Variants in CACNA2D4 observed in about 807,000 individuals in gnomAD.
CACNA2D4 encodes calcium voltage-gated channel auxiliary subunit alpha2delta 4.
Under a neutral mutation model 163.8 loss-of-function variants are expected in CACNA2D4, and 157 were observed. That is an observed-to-expected ratio of 0.96 (90% CI 0.84 to 1.09). CACNA2D4 has a LOEUF of 1.09. Among genes scored for constraint, CACNA2D4 ranks in the 50% least tolerant of loss-of-function variants. The pLI is 0.00. For synonymous variants in CACNA2D4, 598 were observed against 586.9 expected (o/e 1.02, Z -0.27); for missense variants, 1,410 against 1,479.9 (o/e 0.95, Z 0.78).
chr12:1,827,168 A>G (rs575422494), intron 26 of CACNA2D4, among the ~76,000 whole-genome samples: 21 of 152,022 alleles, frequency 1.4e-4, no homozygotes, highest in Non-Finnish European at 2.6e-4. Context: ...GCAGGTAAAC[A>G]CATGCCAGTC....
At chr12:1,880,658 T>C (rs1222928774) in intron 13 of CACNA2D4, among the ~76,000 whole-genome samples, 4 of 152,282 alleles carry the variant, frequency 2.6e-5, no homozygotes, top group African/African-American at 9.6e-5. Context: ...TGCTGAGTCA[T>C]GGAAGTCCAC....
At chr12:1,899,569 T>C (rs1866490602) in intron 6 of CACNA2D4, among the ~76,000 whole-genome samples, 1 of 152,136 alleles carries the variant, frequency 6.6e-6, no homozygotes, top group Non-Finnish European at 1.5e-5. Flanking sequence ...TAAATAAAAG[T>C]ACTTCAAATT....
chr12:1,870,590 C>T lies in CACNA2D4; in HGVS notation c.1878+4014G>A, dbSNP rs187024925. 2.2e-4 allele frequency among the ~76,000 whole-genome samples: 34 copies of T among 152,060 alleles called. 1 individual carries two copies. The East Asian group carries it at 6.6e-3, about 29-fold the overall frequency. On this transcript the variant is annotated intron_variant, in intron 18 of 37. Coordinates refer to ENST00000382722, the MANE Select transcript of CACNA2D4 (RefSeq NM_172364.5). ...TTGATTCAAGGGTTGTTGCTGCCTG[C>T]TTTTGGTCGCTTTCAAGTGCCTTTC...
intron 23 of CACNA2D4, among the ~76,000 whole-genome samples, chr12:1,847,499 G>GA (rs972715071): frequency 1.3e-5 from 2 of 152,176 alleles, no homozygotes; most frequent in African/African-American, 4.8e-5. Context: ...GTAAGGTCTG[G>GA]AAAATCACTG....
chr12:1,816,779 CAT>C (rs1159150711), intron 26 of CACNA2D4, among the ~76,000 whole-genome samples: 1 of 152,078 alleles, frequency 6.6e-6, no homozygotes, highest in Non-Finnish European at 1.5e-5. Flanking sequence ...TGGACACACA[CAT>C]ATATGCACAC....
At chr12:1,810,788 G>A (rs548037484) in intron 27 of CACNA2D4, among the ~76,000 whole-genome samples, 1 of 152,188 alleles carries the variant, frequency 6.6e-6, no homozygotes, top group African/African-American at 2.4e-5. Context: ...TGTGTGAGGT[G>A]TGTGCATGTG....
intron 26 of CACNA2D4, chr12:1,831,434 C>A (rs768465054): frequency 1.2e-6 from 2 of 1,614,060 alleles, no homozygotes; most frequent in South Asian, 1.1e-5. Flanking sequence ...CCCTAGCAAA[C>A]CTGCAGCTGC....
chr12:1,794,980 C>G, intron 37 of CACNA2D4: 1 of 499,024 alleles, frequency 2.0e-6, no homozygotes, highest in Non-Finnish European at 3.6e-6. Context: ...TCTATCATTC[C>G]AAGGGTCTTA....
intron 18 of CACNA2D4, among the ~76,000 whole-genome samples, chr12:1,868,405 A>T (rs143219826): frequency 6.2e-4 from 94 of 152,228 alleles, no homozygotes; most frequent in Middle Eastern, 3.4e-3. Context: ...TCTAAAATAA[A>T]AATGGAATAC....
chr12:1,909,549 C>CCCTG (rs2154452471), intron 4 of CACNA2D4, among the ~76,000 whole-genome samples: 1 of 152,334 alleles, frequency 6.6e-6, no homozygotes, highest in South Asian at 2.1e-4. Flanking sequence ...CTTTTCCAGG[C>CCCTG]CCTGCCTGCC....
At chr12:1,819,860 C>G (rs1252909868) in intron 26 of CACNA2D4, among the ~76,000 whole-genome samples, 1 of 152,178 alleles carries the variant, frequency 6.6e-6, no homozygotes, top group African/African-American at 2.4e-5. Flanking sequence ...GCCCTGTGCC[C>G]AAACTCCCAG....
At chr12:1,815,561 T>C (rs978162473) in intron 26 of CACNA2D4, among the ~76,000 whole-genome samples, 4 of 151,198 alleles carry the variant, frequency 2.6e-5, no homozygotes, top group Admixed American at 6.6e-5. Flanking sequence ...CTGGGGCTAA[T>C]AGCAGGCAGG....
chr12:1,834,662 C>G lies in CACNA2D4; in HGVS notation c.2551+6077G>C. The stretch of plus-strand genomic sequence containing the variant: ...CCGGGAGCTCAAAAAGCGCCAGCCC[C>G]TGATGGGGGACCCCGAGGGCGAGCA... On this transcript the variant is annotated intron_variant, in intron 26 of 37. Transcript: ENST00000382722. The surrounding 1 kb of genome is among the most constrained non-coding windows in gnomAD (Gnocchi z 7.6). 2 of 1,601,674 alleles carry G rather than the reference C, an allele frequency of 1.2e-6. No individual in the cohort carries two copies. The highest frequency in any genetic ancestry group is 1.7e-6 in the Non-Finnish European group (2 of 1,179,744).
rs1211964481 is a variant in CACNA2D4 at position 1,801,046 on chromosome 12, G to A, written c.2865C>T (p.Val955=). The A allele has an allele frequency of 6.2e-7, 1 of 1,613,016 alleles. No individual in the cohort carries two copies. Among genetic ancestry groups the A allele is most frequent in the Non-Finnish European group, 8.5e-7 (1 of 1,179,818 alleles). Residue 955 remains valine, a synonymous_variant, in exon 31 of 38, where the codon GTC becomes GTT. Transcript: ENST00000382722. ...SHHHSAAQPL[V]SPISAFLTAT... ...GGAAGGGCTGGGTGACACTCACGCTGACCAGGGGCTGGGCTGCACTGTGGT... is the reference window on the plus strand; with the variant it reads ...GGAAGGGCTGGGTGACACTCACGCTAACCAGGGGCTGGGCTGCACTGTGGT...
chr12:1,900,573 C>T (rs1330085668), intron 6 of CACNA2D4, among the ~76,000 whole-genome samples: 1 of 152,066 alleles, frequency 6.6e-6, no homozygotes, highest in Non-Finnish European at 1.5e-5. Flanking sequence ...GTTGAATGCC[C>T]ACATATCTTA....
rs781605895 is a variant in CACNA2D4, at chr12:1,917,650, T to G, written c.227+597A>C. Among the ~76,000 whole-genome samples the G allele has an allele frequency of 2.0e-5, 3 of 152,146 alleles. No individual in the cohort carries two copies. The highest frequency in any genetic ancestry group is 4.4e-5 in the Non-Finnish European group (3 of 68,026). ...GTGCACATGACTGATACCGGGTTCT[T>G]TCCTGGAGCCGGTCTTAATGGCCGG... On this transcript the variant is annotated intron_variant, in intron 1 of 37. Transcript: ENST00000382722. The surrounding 1 kb of genome is among the most constrained non-coding windows in gnomAD (Gnocchi z 4.3).
At chr12:1,867,984 GAAGA>G (rs1158336569) in intron 18 of CACNA2D4, among the ~76,000 whole-genome samples, 1 of 152,192 alleles carries the variant, frequency 6.6e-6, no homozygotes, top group African/African-American at 2.4e-5. Flanking sequence ...ACAAGGGTGT[GAAGA>G]AAGGGGAACC....
chr12:1,901,072 G>C (rs772024363), intron 6 of CACNA2D4, among the ~76,000 whole-genome samples: 1 of 152,044 alleles, frequency 6.6e-6, no homozygotes, highest in Non-Finnish European at 1.5e-5. Flanking sequence ...CAGAAACATG[G>C]AAATTAAACA....
At chr12:1,890,193 T>C (rs1866245496) in intron 6 of CACNA2D4, among the ~76,000 whole-genome samples, 1 of 152,160 alleles carries the variant, frequency 6.6e-6, no homozygotes, top group African/African-American at 2.4e-5. Flanking sequence ...GCCTGGAGCC[T>C]GGGTGAGGGC....
Sources: gnomAD v4.1 joint callset for allele counts (sites outside exome capture counted in the v4.1 genomes callset) on GRCh38, gnomAD v4.1.1 for gene constraint, Gnocchi (gnomAD v3.1) non-coding constraint, MANE v1.5 for transcripts, NCBI Gene and HGNC (gene_info 2026-07-23, HGNC 2026-07-21) for gene names.